The following CNTNAP2 variants were observed in gnomAD, a reference collection of about 807,000 sequenced individuals.
The protein encoded by CNTNAP2 is contactin-associated protein-like 2.
Under a neutral mutation model 155.2 loss-of-function variants are expected in CNTNAP2, and 98 were observed. That is an observed-to-expected ratio of 0.63 (90% confidence interval 0.54 to 0.75). The LOEUF is 0.75. CNTNAP2 is among the 30% of genes least tolerant of loss of function. CNTNAP2 has a pLI of 0.00. For missense variants in CNTNAP2, 1,727 were observed against 1,688.1 expected (o/e 1.02, Z -0.40); for synonymous variants, 651 against 631.2 (o/e 1.03, Z -0.47).
intron 12 of CNTNAP2, among the ~76,000 whole-genome samples, chr7:147,629,069 G>A (rs1795037955): frequency 6.6e-6 from 1 of 151,944 alleles, no homozygotes; most frequent in Non-Finnish European, 1.5e-5. Flanking sequence ...TCCTCTGACA[G>A]CACTAGATAG....
At chr7:146,925,522 ATGT>A (rs1485109485) in intron 3 of CNTNAP2, among the ~76,000 whole-genome samples, 2 of 152,126 alleles carry the variant, frequency 1.3e-5, no homozygotes, top group Non-Finnish European at 2.9e-5. Flanking sequence ...TTTGTTAATT[ATGT>A]TGTTATGTTA....
chr7:147,787,762 C>T (rs1797761176), intron 13 of CNTNAP2, among the ~76,000 whole-genome samples: 1 of 152,066 alleles, frequency 6.6e-6, no homozygotes, highest in South Asian at 2.1e-4. Flanking sequence ...AATTAGGCAG[C>T]CACATTAGGC....
intron 2 of CNTNAP2, among the ~76,000 whole-genome samples, chr7:146,786,652 T>C (rs1802579253): frequency 1.3e-5 from 2 of 152,242 alleles, no homozygotes; most frequent in Non-Finnish European, 2.9e-5. Context: ...ATTTTTATTG[T>C]TCTTGCCTCT....
Position 146,862,110 on chromosome 7 carries a change from G to A in CNTNAP2, c.402+22206G>A, listed in dbSNP as rs553059845. 5.4e-4 allele frequency among the ~76,000 whole-genome samples: 82 copies of A among 152,252 alleles called. 2 individuals are homozygous for A. Among genetic ancestry groups the A allele is most frequent in the African/African-American group, 3.9e-4 (16 of 41,546 alleles). On this transcript the variant is annotated intron_variant, in intron 3 of 23. Transcript: ENST00000361727. ...ATGATAGATGCAGGCGCGGTCGATGGCAATGTTAAGACTTTAGAATGCAGG... is the reference window on the plus strand; with the variant it reads ...ATGATAGATGCAGGCGCGGTCGATGACAATGTTAAGACTTTAGAATGCAGG...
intron 8 of CNTNAP2, among the ~76,000 whole-genome samples, chr7:147,262,793 G>A (rs1245481898): frequency 6.6e-6 from 1 of 152,122 alleles, no homozygotes; most frequent in African/African-American, 2.4e-5. Flanking sequence ...GCGACAGACA[G>A]AGCGAGACTC....
chr7:146,508,197 TG>T (rs1797413483), intron 1 of CNTNAP2, among the ~76,000 whole-genome samples: 1 of 152,140 alleles, frequency 6.6e-6, no homozygotes, highest in African/African-American at 2.4e-5. Flanking sequence ...TATGGCCACC[TG>T]GAAAGTGGTA....
At chr7:146,373,317 C>G (rs988994028) in intron 1 of CNTNAP2, among the ~76,000 whole-genome samples, 14 of 151,914 alleles carry the variant, frequency 9.2e-5, no homozygotes, top group Non-Finnish European at 1.8e-4. Context: ...AACAAGACTT[C>G]TAAGTATCTC....
chr7:146,781,241 C>CA (rs769078111), intron 2 of CNTNAP2, among the ~76,000 whole-genome samples: 1,475 of 116,504 alleles, frequency 0.013, 12 homozygotes, highest in Non-Finnish European at 0.017. Context: ...AAAAAAAAAA[C>CA]AAAAAAAAAA....
chr7:146,486,364 A>C (rs28549169), intron 1 of CNTNAP2, among the ~76,000 whole-genome samples: 38,316 of 151,940 alleles, frequency 0.25, 7,740 homozygotes, highest in African/African-American at 0.56. Context: ...GCGCCCAGCC[A>C]CCACAGCAGT....
intron 13 of CNTNAP2, among the ~76,000 whole-genome samples, chr7:147,781,563 A>G (rs1797662031): frequency 6.6e-6 from 1 of 152,212 alleles, no homozygotes; most frequent in Admixed American, 6.5e-5. Context: ...GACTCTCAGA[A>G]TCTCCAGTTC....
intron 13 of CNTNAP2, among the ~76,000 whole-genome samples, chr7:147,803,326 A>G (rs1798037741): frequency 6.6e-6 from 1 of 152,160 alleles, no homozygotes; most frequent in African/African-American, 2.4e-5. Context: ...GGGTCCATGA[A>G]GCGCAACCCT....
chr7:148,064,537 A>T (rs1803217615), intron 15 of CNTNAP2, among the ~76,000 whole-genome samples: 1 of 152,054 alleles, frequency 6.6e-6, no homozygotes, highest in African/African-American at 2.4e-5. Flanking sequence ...TCATCCAAAA[A>T]ACCTCCTAAA....
intron 13 of CNTNAP2, among the ~76,000 whole-genome samples, chr7:147,661,255 A>ATT (rs111608329): frequency 1.5e-4 from 23 of 150,984 alleles, no homozygotes; most frequent in African/African-American, 5.4e-4. Flanking sequence ...ATGCCGTGTC[A>ATT]TTTTTTTTTG....
intron 3 of CNTNAP2, among the ~76,000 whole-genome samples, chr7:146,870,745 G>A (rs1414471959): frequency 6.6e-6 from 1 of 152,036 alleles, no homozygotes; most frequent in Non-Finnish European, 1.5e-5. Flanking sequence ...TTGAGGTTGT[G>A]TCAATAGAGT....
At chr7:147,657,382 T>A (rs1259222497) in intron 13 of CNTNAP2, among the ~76,000 whole-genome samples, 1 of 152,064 alleles carries the variant, frequency 6.6e-6, no homozygotes, top group Non-Finnish European at 1.5e-5. Context: ...ACAAATTCAA[T>A]GGGAGGGGTT....
chr7:146,351,219 C>T (rs895664972), intron 1 of CNTNAP2, among the ~76,000 whole-genome samples: 1 of 150,932 alleles, frequency 6.6e-6, no homozygotes, highest in African/African-American at 2.4e-5. Context: ...GAACAGAAGA[C>T]TGAGGGTCAA....
chr7:146,970,943 C>T (rs1051660563), intron 3 of CNTNAP2, among the ~76,000 whole-genome samples: 42 of 151,966 alleles, frequency 2.8e-4, no homozygotes, highest in Admixed American at 1.2e-3. Context: ...TCATCATTCT[C>T]GGTAAACTAT....
chr7:148,090,103 T>C (rs1037220468), intron 15 of CNTNAP2, among the ~76,000 whole-genome samples: 6 of 151,978 alleles, frequency 3.9e-5, no homozygotes, highest in Non-Finnish European at 8.8e-5. Context: ...CAAAAATCAA[T>C]TCCAAATGAA....
chr7:146,432,688 T>C (rs543133932), intron 1 of CNTNAP2, among the ~76,000 whole-genome samples: 2 of 152,296 alleles, frequency 1.3e-5, no homozygotes, highest in South Asian at 4.1e-4. Context: ...TGGCCACAAA[T>C]TCCATTTAGT....
Sources: allele counts gnomAD v4.1 joint callset (sites outside exome capture counted in the v4.1 genomes callset), GRCh38; gene constraint gnomAD v4.1.1; transcripts MANE v1.5; gene names NCBI Gene and HGNC (gene_info 2026-07-23, HGNC 2026-07-21).